The following CERS4 variants were observed in gnomAD, a reference collection of about 807,000 sequenced individuals.
CERS4 encodes the protein ceramide synthase 4, also known as LAG1 homolog, ceramide synthase 4.
In CERS4, 65 loss-of-function variants were observed where a neutral mutation model predicts 51.8. That is an observed-to-expected ratio of 1.26 (90% CI 1.03 to 1.54). The LOEUF is 1.54. Among genes scored for constraint, CERS4 ranks in the 40% most tolerant of loss-of-function variants. CERS4 has a pLI of 0.00. For synonymous variants in CERS4, 228 were observed against 208.4 expected (o/e 1.09, Z -0.81); for missense variants, 563 against 500.4 (o/e 1.13, Z -1.19).
At chr19:8,256,337 A>G in intron 7 of CERS4, 51 bp downstream of exon 7, 4 of 1,596,976 alleles carry the variant, frequency 2.5e-6, no homozygotes, top group Non-Finnish European at 3.4e-6. Context: ...CGATGATCAC[A>G]GTTGCTGCAG....
At chr19:8,219,994 A>AAT (rs1277644102) in intron 2 of CERS4, among the ~76,000 whole-genome samples, 2 of 150,490 alleles carry the variant, frequency 1.3e-5, no homozygotes, top group Admixed American at 1.3e-4. Context: ...TCTTAAAAAA[A>AAT]AAAAATTTGT....
intron 2 of CERS4, among the ~76,000 whole-genome samples, chr19:8,244,575 C>T (rs1262688672): frequency 6.6e-6 from 1 of 152,164 alleles, no homozygotes; most frequent in African/African-American, 2.4e-5. Flanking sequence ...TAAAATGTCT[C>T]TGGAATCCCC....
In CERS4 at chr19:8,256,670, T is replaced by C; in HGVS notation, c.572T>C (p.Leu191Pro). The part of the protein sequence containing the change: ...WWYLLELGFY[L>P]SLLIRLPFDV... ...TACCTCTTGGAGCTGGGTTTCTACC[T>C]CTCACTGCTAATCAGGCTGCCCTTT... Residue 191 changes from leucine to proline, a missense_variant, in exon 8 of 12, where the codon CTC becomes CCC. By Grantham distance (98) the Leu-to-Pro change is moderately conservative. Coordinates refer to ENST00000251363, the MANE Select transcript of CERS4 (RefSeq NM_024552.3). The C allele has an allele frequency of 6.2e-7, 1 of 1,613,912 alleles. No homozygotes were observed. Among genetic ancestry groups the C allele is most frequent in the Non-Finnish European group, 8.5e-7 (1 of 1,179,904 alleles).
intron 2 of CERS4, among the ~76,000 whole-genome samples, chr19:8,236,514 C>T (rs946266048): frequency 6.7e-6 from 1 of 149,772 alleles, no homozygotes; most frequent in Non-Finnish European, 1.5e-5. Flanking sequence ...CCCATCTCTA[C>T]AAAAAAGTAC....
intron 6 of CERS4, 67 bp downstream of exon 6, chr19:8,255,946 T>C: frequency 3.9e-6 from 6 of 1,536,566 alleles, no homozygotes; most frequent in Non-Finnish European, 5.4e-6. Context: ...CTGGCAGGAG[T>C]GGGGGTGTGG....
At chr19:8,250,663 G>C (rs1347627161) in intron 2 of CERS4, 1 of 197,834 alleles carries the variant, frequency 5.1e-6, no homozygotes, top group Non-Finnish European at 9.1e-6. Flanking sequence ...CACCATGTTG[G>C]TCAGGCTGCT....
At chr19:8,217,264 A>G (rs1967338645) in intron 2 of CERS4, among the ~76,000 whole-genome samples, 2 of 151,996 alleles carry the variant, frequency 1.3e-5, no homozygotes, top group African/African-American at 4.8e-5. Flanking sequence ...CCTCCCAGAG[A>G]CCCCTCATTC....
At chr19:8,247,201 C>A (rs951040188) in intron 2 of CERS4, among the ~76,000 whole-genome samples, 3 of 152,054 alleles carry the variant, frequency 2.0e-5, no homozygotes, top group African/African-American at 7.2e-5. Flanking sequence ...TTCTTCCCTG[C>A]GGCCCCCATG....
In CERS4 at chr19:8,262,115, C is replaced by G. The variant is rs1044547; in HGVS notation, c.*6C>G. 2 of 1,456,390 alleles carry G rather than the reference C, an allele frequency of 1.4e-6. No homozygotes were observed. The highest frequency in any genetic ancestry group is 1.8e-6 in the Non-Finnish European group (2 of 1,107,258). The allele number at this position is 1,456,390 out of a possible 1,614,324, so 90.2% of individuals were successfully genotyped here. A position where few individuals can be genotyped will look rare whatever the true frequency, so the allele number is the denominator to read the frequency against. Reference sequence around the variant, plus strand: ...GGCACACAACAGCCACATAGCCGGGCGGGGCTGGCTGTAAGGGGTTGCCCC... The same window carrying G: ...GGCACACAACAGCCACATAGCCGGGGGGGGCTGGCTGTAAGGGGTTGCCCC... On this transcript the variant is annotated 3_prime_UTR_variant, in exon 12 of 12. Coordinates refer to ENST00000251363, the MANE Select transcript of CERS4 (RefSeq NM_024552.3).
At chr19:8,217,107 C>T (rs560804088) in intron 2 of CERS4, among the ~76,000 whole-genome samples, 1 of 152,176 alleles carries the variant, frequency 6.6e-6, no homozygotes, top group South Asian at 2.1e-4. Flanking sequence ...CCCACCCACT[C>T]CTAGAATTTT....
intron 2 of CERS4, among the ~76,000 whole-genome samples, chr19:8,227,567 C>A (rs1307612308): frequency 1.3e-5 from 2 of 151,892 alleles, no homozygotes; most frequent in Non-Finnish European, 1.5e-5. Context: ...GTCTCGAACT[C>A]CTGATCGCAA....
At chr19:8,254,210 C>T (rs1210493226) in intron 3 of CERS4, among the ~76,000 whole-genome samples, 1 of 147,760 alleles carries the variant, frequency 6.8e-6, no homozygotes, top group Non-Finnish European at 1.5e-5. Flanking sequence ...GCAGTCCCAG[C>T]TACTCGGGAG....
At chr19:8,260,948 CTCAAAA>C (rs1969653823) in intron 10 of CERS4, 1 of 33,948 alleles carries the variant, frequency 2.9e-5, no homozygotes, top group Admixed American at 3.9e-4. Flanking sequence ...AAGACTCCAT[CTCAAAA>C]AAAAAAAAAA....
At chr19:8,249,587 A>AT (rs869119452) in intron 2 of CERS4, among the ~76,000 whole-genome samples, 27,710 of 89,842 alleles carry the variant, frequency 0.31, 6,314 homozygotes, top group Middle Eastern at 0.43. Flanking sequence ...GGAACTCTGG[A>AT]TTTTTTTTTT....
intron 2 of CERS4, among the ~76,000 whole-genome samples, chr19:8,221,018 G>T (rs1461051268): frequency 6.6e-6 from 1 of 151,656 alleles, no homozygotes; most frequent in Non-Finnish European, 1.5e-5. Context: ...GTAGAGACGG[G>T]GTTTCACCCT....
At chr19:8,254,373 GCTCT>G in intron 3 of CERS4, 122 bp from the exon 4 acceptor site, 1 of 610,754 alleles carries the variant, frequency 1.6e-6, no homozygotes, top group East Asian at 2.9e-5. Flanking sequence ...TGCCAGCTGT[GCTCT>G]CTGAGCCTGT....
At chr19:8,234,542 ATTTTTTTTTTTTTT>A (rs35971828) in intron 2 of CERS4, among the ~76,000 whole-genome samples, 2 of 54,176 alleles carry the variant, frequency 3.7e-5, no homozygotes, top group African/African-American at 7.3e-5. Context: ...CCACCATTCT[ATTTTTTTTTTTTTT>A]TTTTTTTTTT....
At chr19:8,216,144 T>G (rs909162596) in intron 2 of CERS4, among the ~76,000 whole-genome samples, 6 of 151,594 alleles carry the variant, frequency 4.0e-5, no homozygotes, top group Non-Finnish European at 8.8e-5. Context: ...TTTGGGAGCC[T>G]GAGGTGGGCA....
At chr19:8,211,323 C>T (rs1348964419) in intron 2 of CERS4, among the ~76,000 whole-genome samples, 1 of 152,152 alleles carries the variant, frequency 6.6e-6, no homozygotes, top group Non-Finnish European at 1.5e-5. Flanking sequence ...GCTCGCTGCC[C>T]TGTCCCCTTC....
Sources: allele counts gnomAD v4.1 joint callset (sites outside exome capture counted in the v4.1 genomes callset), GRCh38; gene constraint gnomAD v4.1.1; transcripts MANE v1.5; gene names NCBI Gene and HGNC (gene_info 2026-07-23, HGNC 2026-07-21).